LDHAL6A: variants seen among roughly 807,000 people sequenced by gnomAD.
The protein encoded by LDHAL6A is L-lactate dehydrogenase A-like 6A.
In LDHAL6A, 19 loss-of-function variants were observed where a neutral mutation model predicts 28.2. The ratio of observed to expected loss-of-function variants is 0.67; its 90% confidence interval spans 0.47 to 0.99. LDHAL6A has a LOEUF of 0.99. Among genes scored for constraint, LDHAL6A ranks in the 50% least tolerant of loss-of-function variants. The probability of loss-of-function intolerance (pLI) is 0.00; values close to 1 mark genes in which losing one functional copy is unlikely to be tolerated. For synonymous variants in LDHAL6A, 144 were observed against 134.4 expected (o/e 1.07, Z -0.49); for missense variants, 372 against 398.6 (o/e 0.93, Z 0.57).
intron 3 of LDHAL6A, among the ~76,000 whole-genome samples, chr11:18,466,826 G>A (rs1281129723): frequency 2.6e-5 from 4 of 152,158 alleles, no homozygotes; most frequent in Non-Finnish European, 5.9e-5. Context: ...CTCCTCACTG[G>A]TGCATTTACA....
intron 2 of LDHAL6A, among the ~76,000 whole-genome samples, chr11:18,464,992 G>GTTTTTTTTTTTTTTTTTTTT (rs1212053975): frequency 8.3e-6 from 1 of 119,822 alleles, no homozygotes; most frequent in Admixed American, 8.8e-5. Flanking sequence ...TTTTTGTTTT[G>GTTTTTTTTTTTTTTTTTTTT]TTTTGTTTTG....
chr11:18,474,430 A>G (rs1319234543), intron 3 of LDHAL6A, among the ~76,000 whole-genome samples: 1 of 150,764 alleles, frequency 6.6e-6, no homozygotes, highest in Non-Finnish European at 1.5e-5. Context: ...TGCTGTTGCT[A>G]GGCTGGAGTG....
chr11:18,456,897 G>A lies in LDHAL6A; in HGVS notation c.126+91G>A, dbSNP rs1003733142. On this transcript the variant is annotated intron_variant, in intron 1 of 6. Transcript: ENST00000280706. ...TGGAGGTTGTGTCCAGTTCAAGGTG[G>A]TGAGTGGGGAGCCAGTGTGAGGGGC... 4.4e-6 allele frequency: 6 copies of A among 1,371,300 alleles called. No individual in the cohort carries two copies. The African/African-American group carries it at 7.4e-5, about 17-fold the overall frequency. 84.9% of individuals were successfully genotyped at this position (1,371,300 alleles called of 1,614,324 possible). A position where few individuals can be genotyped will look rare whatever the true frequency, so the allele number is the denominator to read the frequency against.
At chr11:18,474,638 C>T (rs537688880) in intron 3 of LDHAL6A, among the ~76,000 whole-genome samples, 1 of 152,204 alleles carries the variant, frequency 6.6e-6, no homozygotes, top group Non-Finnish European at 1.5e-5. Flanking sequence ...CCACTGGCTT[C>T]GGCCTCCCAA....
intron 5 of LDHAL6A, chr11:18,476,733 C>A: frequency 2.4e-6 from 1 of 415,456 alleles, no homozygotes; most frequent in Non-Finnish European, 3.2e-6. Context: ...ATGGTAGGGG[C>A]TCACTTGTTG....
At chr11:18,474,640 GCC>G (rs1565074940) in intron 3 of LDHAL6A, among the ~76,000 whole-genome samples, 1 of 152,044 alleles carries the variant, frequency 6.6e-6, no homozygotes, top group African/African-American at 2.4e-5. Flanking sequence ...ACTGGCTTCG[GCC>G]TCCCAAAGTA....
intron 1 of LDHAL6A, among the ~76,000 whole-genome samples, chr11:18,457,504 A>C (rs147459032): frequency 1.7e-4 from 26 of 152,194 alleles, no homozygotes; most frequent in Admixed American, 1.7e-3. Flanking sequence ...GAGTCATTGG[A>C]TTTAAAGGAT....
At chr11:18,458,952 G>A (rs4757666) in intron 1 of LDHAL6A, among the ~76,000 whole-genome samples, 56,721 of 152,052 alleles carry the variant, frequency 0.37, 11,788 homozygotes, top group African/African-American at 0.55. Context: ...ATAAGGAAAG[G>A]GAGTCCAGAG....
Position 18,465,655 on chromosome 11 carries a change from A to G in LDHAL6A, c.263A>G (p.Asn88Ser). ...VSSKDYLVTA[N>S]SNLVIITAGA... ...TCCTCAGATTACCTGGTCACTGCAA[A>G]CTCCAATCTAGTGATTATCACAGCA... is the stretch of plus-strand genomic sequence containing the variant. Residue 88 changes from asparagine to serine, a missense_variant, in exon 3 of 7, where the codon AAC (asparagine) becomes AGC (serine). Asn to Ser is a conservative substitution (Grantham distance 46). Coordinates refer to ENST00000280706, the MANE Select transcript of LDHAL6A (RefSeq NM_144972.5). 1 of 1,613,114 alleles carries G rather than the reference A, an allele frequency of 6.2e-7. No homozygotes were observed. Among genetic ancestry groups the G allele is most frequent in the Non-Finnish European group, 8.5e-7 (1 of 1,179,716 alleles).
At position 18,456,523 on chromosome 11, in the gene LDHAL6A, G is replaced by C. The variant is rs1005266006; in HGVS notation, c.-158G>C. On this transcript the variant is annotated 5_prime_UTR_variant, in exon 1 of 7. Coordinates refer to ENST00000280706, the MANE Select transcript of LDHAL6A (RefSeq NM_144972.5). Reference sequence around the variant, plus strand: ...ACCTACCCAGCTTCTTTGCTGGTCAGATTTGTCGGTCTTTTGTGTGTCTGC... The same window carrying C: ...ACCTACCCAGCTTCTTTGCTGGTCACATTTGTCGGTCTTTTGTGTGTCTGC... 2 of 637,822 alleles carry C rather than the reference G, an allele frequency of 3.1e-6. No homozygotes were observed. Among genetic ancestry groups the C allele is most frequent in the African/African-American group, 3.7e-5 (2 of 53,814 alleles). 39.5% of individuals were successfully genotyped at this position (637,822 alleles called of 1,614,324 possible). A position where few individuals can be genotyped will look rare whatever the true frequency, so the allele number is the denominator to read the frequency against.
In LDHAL6A at chr11:18,477,713, G is replaced by C; in HGVS notation, c.804G>C (p.Arg268Ser). Reference sequence around the variant, plus strand: ...CAGAAAGTATTTTGAAGAATCTTAGGAGAGTGCATCCAGTTTCTACCCTAA... The same window carrying C: ...CAGAAAGTATTTTGAAGAATCTTAGCAGAGTGCATCCAGTTTCTACCCTAA... ...DLTESILKNLRRVHPVSTLSK... is the reference protein window; with the variant it reads ...DLTESILKNLSRVHPVSTLSK... The change falls in exon 6 of 7, where the codon AGG (arginine) becomes AGC (serine). Residue 268 changes from arginine (R) to serine (S), a missense_variant. Around this residue, in one of 3 missense-constraint regions of LDHAL6A, gnomAD observed 291 missense variants for 302.9 expected, o/e 0.96. Transcript: ENST00000280706. The C allele has an allele frequency of 6.2e-7, 1 of 1,610,602 alleles. No homozygotes were observed. Among genetic ancestry groups the C allele is most frequent in the Non-Finnish European group, 8.5e-7 (1 of 1,179,286 alleles).
In LDHAL6A at chr11:18,464,071, C is replaced by T. The variant is rs142180872; in HGVS notation, c.237C>T (p.Ser79=). ...SPFMKMPNIV[S]SKDYLVTANS... is the part of the protein sequence containing the mutation. ...TTATGAAAATGCCAAATATTGTCTC[C>T]AGCAAAGGTTAATGTCATAGTTAAA... Residue 79 remains serine (S), a synonymous_variant, in exon 2 of 7, where the codon TCC becomes TCT. Transcript: ENST00000280706. The T allele has an allele frequency of 4.4e-6, 7 of 1,588,802 alleles. No individual in the cohort carries two copies. The African/African-American group carries it at 9.4e-5, about 21-fold the overall frequency.
intron 3 of LDHAL6A, chr11:18,469,167 C>A: frequency 3.2e-6 from 2 of 625,686 alleles, no homozygotes; most frequent in South Asian, 1.8e-5. Context: ...GTTGTGAAGG[C>A]ACCTGGTGGA....
intron 5 of LDHAL6A, among the ~76,000 whole-genome samples, chr11:18,477,359 T>C (rs1241334831): frequency 6.6e-6 from 1 of 151,586 alleles, no homozygotes; most frequent in Non-Finnish European, 1.5e-5. Flanking sequence ...CTCAGGAGGC[T>C]GAGGAGGGAA....
intron 1 of LDHAL6A, among the ~76,000 whole-genome samples, chr11:18,458,891 C>A (rs1232764298): frequency 6.6e-6 from 1 of 152,068 alleles, no homozygotes; most frequent in East Asian, 1.9e-4. Context: ...ATGGAATGCA[C>A]TGGATTGTGA....
chr11:18,476,722 C>T (rs1849392102), intron 5 of LDHAL6A: 1 of 518,022 alleles, frequency 1.9e-6, no homozygotes, highest in Non-Finnish European at 2.5e-6. Flanking sequence ...GTATTGAGCA[C>T]ATGGTAGGGG....
chr11:18,459,585 T>C (rs1848846358), intron 1 of LDHAL6A, among the ~76,000 whole-genome samples: 2 of 152,234 alleles, frequency 1.3e-5, no homozygotes, highest in South Asian at 4.1e-4. Flanking sequence ...CTATTAGTCC[T>C]GTCCCTCTAG....
intron 3 of LDHAL6A, 56 bp from the exon 4 acceptor site, chr11:18,475,410 A>C: frequency 1.4e-6 from 2 of 1,387,048 alleles, no homozygotes; most frequent in Non-Finnish European, 2.0e-6. Flanking sequence ...AGGTAAATCT[A>C]AAAAACATAT....
At chr11:18,474,092 CTTTTT>C (rs779840718) in intron 3 of LDHAL6A, among the ~76,000 whole-genome samples, 58 of 151,830 alleles carry the variant, frequency 3.8e-4, no homozygotes, top group Admixed American at 2.0e-4. Flanking sequence ...ATTTTCTTTT[CTTTTT>C]GAGACGGAGT....
Sources: gnomAD v4.1 joint callset for allele counts (sites outside exome capture counted in the v4.1 genomes callset) on GRCh38, gnomAD v4.1.1 for gene constraint, gnomAD v4.1.1 regional missense constraint, MANE v1.5 for transcripts, NCBI Gene and HGNC (gene_info 2026-07-23, HGNC 2026-07-21) for gene names.